Variants in ABCA2 observed in about 807,000 individuals in gnomAD.
The protein encoded by ABCA2 is ATP binding cassette subfamily A member 2, also known as ATP-binding cassette sub-family A member 2.
A neutral mutation model predicts 262.8 loss-of-function variants in ABCA2; 84 were observed. The ratio of observed to expected loss-of-function variants is 0.32; its 90% CI spans 0.27 to 0.38. ABCA2 has a LOEUF of 0.38. Ranked by LOEUF, ABCA2 falls within the 10% of genes least tolerant of loss-of-function variation. The pLI is 1.00. For synonymous variants in ABCA2, 1,696 were observed against 1,502.9 expected (o/e 1.13, Z -2.97); for missense variants, 2,662 against 3,405.9 (o/e 0.78, Z 5.44).
At chr9:137,010,927 AT>A in intron 39 of ABCA2, 45 bp downstream of exon 39, 2 of 255,156 alleles carry the variant, frequency 7.8e-6, no homozygotes, top group Admixed American at 1.2e-4. Flanking sequence ...CCCCGAACCC[AT>A]CCCTGCTCCC....
rs949700850 is a variant in ABCA2, at chr9:137,015,073, G to T, written c.3722C>A (p.Pro1241Gln). Residue 1241 changes from proline (P) to glutamine (Q), a missense_variant, in exon 25 of 49, where the codon CCA becomes CAA. Physicochemically the swap from Pro to Gln is moderately conservative, Grantham distance 76. Coordinates refer to ENST00000341511, the MANE Select transcript of ABCA2 (RefSeq NM_001606.5). ...PQEPGLASSP[P>Q]GRAPLSSCSE... The stretch of plus-strand genomic sequence containing the variant: ...GCAGCTGCTCAGCGGGGCCCGACCT[G>T]GGGGGCTGGATGCCAGCCCTGGCTC... 4 of 1,597,184 alleles carry T rather than the reference G, an allele frequency of 2.5e-6. No homozygotes were observed. The highest frequency in any genetic ancestry group is 1.3e-5 in the African/African-American group (1 of 74,212).
Position 137,017,280 on chromosome 9 carries a change from G to A in ABCA2, c.2469C>T (p.Phe823=), listed in dbSNP as rs1831295036. 1 of 1,612,598 alleles carries A rather than the reference G, an allele frequency of 6.2e-7. No individual in the cohort carries two copies. Among genetic ancestry groups the A allele is most frequent in the South Asian group, 1.1e-5 (1 of 91,086 alleles). The change falls in exon 18 of 49, where the codon TTC becomes TTT. Residue 823 remains phenylalanine (F), a synonymous_variant. Coordinates refer to ENST00000341511, the MANE Select transcript of ABCA2 (RefSeq NM_001606.5). Reference sequence around the variant, plus strand: ...CGTACATGTAGGGCACGTAGCTCAGGAAGTAGATGATGCCACCGCAGGCCG... The same window carrying A: ...CGTACATGTAGGGCACGTAGCTCAGAAAGTAGATGATGCCACCGCAGGCCG... ...LASACGGIIY[F]LSYVPYMYVA...
chr9:137,018,661 TG>T, intron 13 of ABCA2, 57 bp downstream of exon 13: 2 of 1,021,034 alleles, frequency 2.0e-6, no homozygotes, highest in Non-Finnish European at 1.2e-6. Flanking sequence ...CGGGTGGGGC[TG>T]GGCTGGGGAG....
At chr9:137,013,392 G>A in intron 29 of ABCA2, 69 bp downstream of exon 29, 2 of 1,519,918 alleles carry the variant, frequency 1.3e-6, no homozygotes, top group Non-Finnish European at 1.8e-6. Flanking sequence ...CGCCCGCCTG[G>A]CCCACCAAGG....
In ABCA2 at chr9:137,017,915, G is replaced by T. The variant is rs746446327; in HGVS notation, c.2097-14C>A. 19 of 1,612,080 alleles carry T rather than the reference G, an allele frequency of 1.2e-5. No individual in the cohort carries two copies. The highest frequency in any genetic ancestry group is 1.6e-5 in the Non-Finnish European group (19 of 1,179,734). On this transcript the variant is annotated splice_polypyrimidine_tract_variant and intron_variant, in intron 15 of 48. Transcript: ENST00000341511. ...ACAAACAGGAAGCTGCGGGGAGGCC[G>T]CGCTCAGGCGCCACTCAGCCCCAGC... is the stretch of plus-strand genomic sequence containing the variant.
Position 137,018,652 on chromosome 9 carries a change from G to A in ABCA2, c.1819+67C>T, listed in dbSNP as rs576215010. The A allele has an allele frequency of 5.3e-5, 72 of 1,353,986 alleles. No homozygotes were observed. In the African/African-American group the frequency reaches 8.3e-4, roughly 16 times the overall value. The allele number at this position is 1,353,986 out of a possible 1,614,324, so 83.9% of individuals were successfully genotyped here. On this transcript the variant is annotated intron_variant, in intron 13 of 48. Coordinates refer to ENST00000341511, the MANE Select transcript of ABCA2 (RefSeq NM_001606.5). ...AAGGAGTGGGAGGGCACAGGGGGAC[G>A]GGTGGGGCTGGGCTGGGGAGGAAGA...
In ABCA2 at chr9:137,018,026, C is replaced by T. The variant is rs371308285; in HGVS notation, c.2043G>A (p.Val681=). 1.1e-5 allele frequency: 18 copies of T among 1,612,678 alleles called. No homozygotes were observed. Among genetic ancestry groups the T allele is most frequent in the Middle Eastern group, 1.6e-4 (1 of 6,082 alleles). Residue 681 remains valine (V), a synonymous_variant, in exon 15 of 49, where the codon GTG becomes GTA. Transcript: ENST00000341511. ...IIDTFVGHDV[V]EPGSYVQMFP... ...ACATCTGCACGTAGCTGCCTGGCTC[C>T]ACCACATCGTGCCCCACAAAAGTGT...
chr9:137,020,806 C>T lies in ABCA2; in HGVS notation c.1153G>A (p.Glu385Lys). Residue 385 changes from glutamate to lysine, a missense_variant, in exon 9 of 49, where the codon GAG (glutamate) becomes AAG (lysine). Physicochemically the swap from Glu to Lys is moderately conservative, Grantham distance 56. Coordinates refer to ENST00000341511, the MANE Select transcript of ABCA2 (RefSeq NM_001606.5). ...AGTGCTGCAGCAGAGGGTGCGCCCT[C>T]CTCAGCGGTGGCGTTGGGGCCCATG... ...AVMGPNATAE[E>K]GAPSAAALAT... 1 of 1,575,798 alleles carries T rather than the reference C, an allele frequency of 6.3e-7. No individual in the cohort carries two copies. The highest frequency in any genetic ancestry group is 1.1e-5 in the South Asian group (1 of 87,558).
rs770214084 is a variant in ABCA2 at position 137,012,342 on chromosome 9, G to A, written c.5222C>T (p.Pro1741Leu). Residue 1741 changes from proline to leucine, a missense_variant, in exon 33 of 49, where the codon CCC (proline) becomes CTC (leucine). Pro to Leu is a moderately conservative substitution (Grantham distance 98). Coordinates refer to ENST00000341511, the MANE Select transcript of ABCA2 (RefSeq NM_001606.5). Reference protein sequence around the residue: ...FYNNKGYHSMPTYLNSLNNAI... With the variant: ...FYNNKGYHSMLTYLNSLNNAI... ...GTTGTTGAGGCTGTTGAGGTAGGTG[G>A]GCATGCTGTGATAGCCCTTGTTGTT... 2 of 1,612,376 alleles carry A rather than the reference G, an allele frequency of 1.2e-6. No individual in the cohort carries two copies. The highest frequency in any genetic ancestry group is 8.5e-7 in the Non-Finnish European group (1 of 1,179,742).
chr9:137,011,636 A>G lies in ABCA2; in HGVS notation c.5649T>C (p.Tyr1883=), dbSNP rs1392554408. 4.5e-6 allele frequency: 7 copies of G among 1,552,960 alleles called. No homozygotes were observed. Among genetic ancestry groups the G allele is most frequent in the Admixed American group, 2.0e-5 (1 of 51,238 alleles). ...FPAVLSLFLL[Y]GWSITPIMYP... is the part of the protein sequence containing the mutation. ...CTCCCCCCTCCGCTTCCGCTTACCCATAGAGCAGGAAGAGGGAGAGGACGG... is the reference window on the plus strand; with the variant it reads ...CTCCCCCCTCCGCTTCCGCTTACCCGTAGAGCAGGAAGAGGGAGAGGACGG... The change falls in exon 36 of 49, where the codon TAT becomes TAC. Residue 1883 remains tyrosine, a splice_region_variant and synonymous_variant. Transcript: ENST00000341511. This position sits in a 1 kb window ranked among gnomAD's most constrained non-coding sequence, Gnocchi z 8.8.
Position 137,007,883 on chromosome 9 carries a change from C to A in ABCA2, c.*46G>T. ...CCATTGTTGAGTCCCTGGCCCAGCTCTGGGTGGTCAGTGGAGCGTGTCCTC... is the reference window on the plus strand; with the variant it reads ...CCATTGTTGAGTCCCTGGCCCAGCTATGGGTGGTCAGTGGAGCGTGTCCTC... On this transcript the variant is annotated 3_prime_UTR_variant, in exon 49 of 49. Transcript: ENST00000341511. 1 of 1,602,172 alleles carries A rather than the reference C, an allele frequency of 6.2e-7. No homozygotes were observed.
chr9:137,007,556 AAGAG>A lies in ABCA2; in HGVS notation c.*369_*372del. ...CGCTCTCGGCATCAGCCTTCATCGT[AAGAG>A]AGAAAAGCTGGTTCCGAGGCCGGGC... On this transcript the variant is annotated 3_prime_UTR_variant, in exon 49 of 49. Coordinates refer to ENST00000341511, the MANE Select transcript of ABCA2 (RefSeq NM_001606.5). 3.0e-6 allele frequency: 1 copy of A among 333,146 alleles called. No homozygotes were observed. The highest frequency in any genetic ancestry group is 5.7e-6 in the Non-Finnish European group (1 of 175,852). 20.6% of individuals were successfully genotyped at this position (333,146 alleles called of 1,614,324 possible).
chr9:137,028,800 AACGCTCGCCGTGAGCGGAGCAGGCAGGGG>A, upstream of ABCA2: 4 of 1,303,546 alleles, frequency 3.1e-6, no homozygotes, highest in Non-Finnish European at 4.0e-6. The surrounding 1 kb of genome is among the most constrained non-coding windows in gnomAD (Gnocchi z 6.9). Flanking sequence ...AGGCCCCAGG[AACGCTCGCCGTGAGCGGAGCAGGCAGGGG>A]ACCGAGGCGG....
intron 2 of ABCA2, 32 bp from the exon 3 acceptor site, chr9:137,023,872 G>C: frequency 1.1e-6 from 1 of 890,116 alleles, no homozygotes; most frequent in South Asian, 1.4e-5. Flanking sequence ...GAGACCATGC[G>C]GGGAGGGAGG....
At chr9:137,023,207 GC>G (rs1188826768) in intron 3 of ABCA2, 155 bp from the exon 4 acceptor site, 3 of 674,668 alleles carry the variant, frequency 4.4e-6, no homozygotes, top group African/African-American at 1.8e-5. Context: ...CAGAGCCCTG[GC>G]CCCAGCTGGG....
rs1047121380 is a variant in ABCA2, at chr9:137,021,261, G to A, written c.897+131C>T. The A allele has an allele frequency of 1.5e-6, 2 of 1,322,528 alleles. No individual in the cohort carries two copies. Among genetic ancestry groups the A allele is most frequent in the South Asian group, 2.8e-5 (2 of 70,552 alleles). 81.9% of individuals were successfully genotyped at this position (1,322,528 alleles called of 1,614,324 possible). A position where few individuals can be genotyped will look rare whatever the true frequency, so the allele number is the denominator to read the frequency against. On this transcript the variant is annotated intron_variant, in intron 8 of 48. Coordinates refer to ENST00000341511, the MANE Select transcript of ABCA2 (RefSeq NM_001606.5). The surrounding 1 kb of genome is among the most constrained non-coding windows in gnomAD (Gnocchi z 6.0). ...TGGGGCACCAGCCATGGTGCCATTG[G>A]ATACCCACCCACAGGCAGCATCCCA...
At chr9:137,016,812 A>G in intron 19 of ABCA2, 74 bp from the exon 20 acceptor site, 1 of 1,544,120 alleles carries the variant, frequency 6.5e-7, no homozygotes, top group Non-Finnish European at 8.7e-7. Flanking sequence ...CCACGTGCCC[A>G]CCCAGGGAGC....
Position 137,021,659 on chromosome 9 carries a change from C to A in ABCA2, c.679-49G>T. 2 of 1,523,398 alleles carry A rather than the reference C, an allele frequency of 1.3e-6. No homozygotes were observed. The highest frequency in any genetic ancestry group is 2.2e-4 in the Middle Eastern group (1 of 4,502). The allele number at this position is 1,523,398 out of a possible 1,614,324, so 94.4% of individuals were successfully genotyped here. A position where few individuals can be genotyped will look rare whatever the true frequency, so the allele number is the denominator to read the frequency against. The stretch of plus-strand genomic sequence containing the variant: ...GGAGCCACGGCAAGGACTTTGTCCC[C>A]AACCACTAGGGCCTCAGGCCTCACC... On this transcript the variant is annotated intron_variant, in intron 7 of 48. Transcript: ENST00000341511. This position sits in a 1 kb window ranked among gnomAD's most constrained non-coding sequence, Gnocchi z 6.0.
At position 137,008,819 on chromosome 9, in the gene ABCA2, G is replaced by A. The variant is rs1401237842; in HGVS notation, c.6980C>T (p.Ser2327Leu). 3 of 1,605,348 alleles carry A rather than the reference G, an allele frequency of 1.9e-6. No individual in the cohort carries two copies. The highest frequency in any genetic ancestry group is 1.3e-5 in the African/African-American group (1 of 74,858). ...CATCTTGCTGAACACCTGGGCCAGC[G>A]AGATGTGCTCCGACTTGAGCTGGTA... ...VQYQLKSEHI[S>L]LAQVFSKMEQ... is the part of the protein sequence containing the mutation. The change falls in exon 47 of 49, where the codon TCG (serine) becomes TTG (leucine). Residue 2327 changes from serine to leucine, a missense_variant. Physicochemically the swap from Ser to Leu is moderately radical, Grantham distance 145 (BLOSUM62 -2). Around this residue, in one of 12 missense-constraint regions of ABCA2, gnomAD observed 212 missense variants for 214.4 expected, o/e 0.99. Coordinates refer to ENST00000341511, the MANE Select transcript of ABCA2 (RefSeq NM_001606.5).
Sources: allele counts gnomAD v4.1 joint callset, GRCh38; gene constraint gnomAD v4.1.1; regional missense constraint gnomAD v4.1.1; non-coding constraint Gnocchi (gnomAD v3.1); transcripts MANE v1.5; gene names NCBI Gene and HGNC (gene_info 2026-07-23, HGNC 2026-07-21).